Variants in DPP10 observed in about 807,000 individuals in gnomAD.
The protein encoded by DPP10 is dipeptidyl peptidase like 10, also known as inactive dipeptidyl peptidase 10.
Under a neutral mutation model 120.9 loss-of-function variants are expected in DPP10, and 33 were observed. The ratio of observed to expected loss-of-function variants is 0.27; its 90% CI spans 0.21 to 0.37. The LOEUF (loss-of-function observed/expected upper bound fraction) is 0.37, where lower values mean the gene tolerates loss of function less well. DPP10 is among the 10% of genes least tolerant of loss of function. The pLI is 1.00. For synonymous variants in DPP10, 337 were observed against 326.1 expected (o/e 1.03, Z -0.36); for missense variants, 816 against 942.8 (o/e 0.87, Z 1.76).
intron 5 of DPP10, among the ~76,000 whole-genome samples, chr2:115,639,813 T>C (rs2086636050): frequency 6.6e-6 from 1 of 152,146 alleles, no homozygotes; most frequent in African/African-American, 2.4e-5. Flanking sequence ...CTGTGCAGTC[T>C]AGTTGGGAAA....
intron 1 of DPP10, among the ~76,000 whole-genome samples, chr2:114,677,376 A>G (rs1371304405): frequency 6.6e-6 from 1 of 152,168 alleles, no homozygotes. Flanking sequence ...TGACATAGCC[A>G]TCATCTCCAT....
chr2:115,811,407 A>G (rs1475937053), intron 19 of DPP10, among the ~76,000 whole-genome samples: 1 of 152,212 alleles, frequency 6.6e-6, no homozygotes, highest in Non-Finnish European at 1.5e-5. Flanking sequence ...TGAGTAAAGG[A>G]TTGAAGGATT....
At chr2:115,186,556 A>G (rs2054454159) in intron 1 of DPP10, among the ~76,000 whole-genome samples, 1 of 152,214 alleles carries the variant, frequency 6.6e-6, no homozygotes, top group East Asian at 1.9e-4. Context: ...CCTGTGACCT[A>G]AAATGTGAAC....
intron 8 of DPP10, among the ~76,000 whole-genome samples, chr2:115,729,170 C>T (rs1234710488): frequency 6.6e-6 from 1 of 152,162 alleles, no homozygotes; most frequent in Non-Finnish European, 1.5e-5. Context: ...TCTGGCTTTT[C>T]TATTTCAAAG....
intron 7 of DPP10, among the ~76,000 whole-genome samples, chr2:115,726,545 C>T (rs929330047): frequency 6.6e-6 from 1 of 152,048 alleles, no homozygotes. Context: ...ATAAAGTCCA[C>T]GCTTGTAACC....
intron 1 of DPP10, among the ~76,000 whole-genome samples, chr2:114,478,334 T>C (rs1680700097): frequency 6.6e-6 from 1 of 152,066 alleles, no homozygotes; most frequent in Non-Finnish European, 1.5e-5. Flanking sequence ...TATATCAGTT[T>C]ACCTAGAAAA....
intron 3 of DPP10, among the ~76,000 whole-genome samples, chr2:115,493,401 T>C (rs2076226669): frequency 6.6e-6 from 1 of 151,926 alleles, no homozygotes; most frequent in Non-Finnish European, 1.5e-5. Context: ...ATATGTGATC[T>C]AGCATAGAAT....
chr2:115,505,564 G>A (rs923535522), intron 4 of DPP10, among the ~76,000 whole-genome samples: 4 of 152,140 alleles, frequency 2.6e-5, no homozygotes, highest in Non-Finnish European at 4.4e-5. Flanking sequence ...GCTCTCTGAC[G>A]TGTATCCAGA....
intron 1 of DPP10, among the ~76,000 whole-genome samples, chr2:114,903,436 T>G (rs1693738826): frequency 6.6e-6 from 1 of 152,218 alleles, no homozygotes; most frequent in South Asian, 2.1e-4. Context: ...TCTAAATCCT[T>G]GTCAGCATTT....
intron 1 of DPP10, among the ~76,000 whole-genome samples, chr2:114,561,082 C>G (rs1015681745): frequency 1.2e-4 from 19 of 152,200 alleles, no homozygotes; most frequent in African/African-American, 4.6e-4. Flanking sequence ...TCTCCTGTCC[C>G]TCCACACCAG....
At chr2:115,660,655 CTTTTTTTTTT>C in intron 5 of DPP10, among the ~76,000 whole-genome samples, 5 of 25,324 alleles carry the variant, frequency 2.0e-4, no homozygotes, top group Middle Eastern at 0.1. Context: ...CTCTGTCTGG[CTTTTTTTTTT>C]TTTTTTTTTT....
chr2:115,061,576 TTAAA>T (rs1402134066), intron 1 of DPP10, among the ~76,000 whole-genome samples: 1 of 152,204 alleles, frequency 6.6e-6, no homozygotes, highest in Non-Finnish European at 1.5e-5. Flanking sequence ...TGCATGCTAG[TTAAA>T]TAAAATGCAC....
At chr2:115,068,907 A>G (rs1707141964) in intron 1 of DPP10, among the ~76,000 whole-genome samples, 2 of 152,044 alleles carry the variant, frequency 1.3e-5, no homozygotes, top group African/African-American at 4.8e-5. Flanking sequence ...TCTCTATACA[A>G]TTCCATTGGG....
chr2:115,095,901 A>G (rs1300719506), intron 1 of DPP10, among the ~76,000 whole-genome samples: 1 of 152,026 alleles, frequency 6.6e-6, no homozygotes, highest in East Asian at 1.9e-4. Flanking sequence ...TAAAAGAAAA[A>G]CAAACAAACA....
rs1458798297 is a variant in DPP10 at position 115,478,874 on chromosome 2, T to A, written c.272-20636T>A. 2.0e-5 allele frequency among the ~76,000 whole-genome samples: 3 copies of A among 152,204 alleles called. No homozygotes were observed. In the East Asian group the frequency reaches 5.8e-4, roughly 29 times the overall value. On this transcript the variant is annotated intron_variant, in intron 3 of 25. Transcript: ENST00000410059. ...TGATACCACATCACATTCACTATGATGCATACTATCAGAAAGAAAGTAAAT... is the reference window on the plus strand; with the variant it reads ...TGATACCACATCACATTCACTATGAAGCATACTATCAGAAAGAAAGTAAAT...
chr2:115,130,985 G>C (rs1175245485), intron 1 of DPP10: 1 of 152,140 alleles, frequency 6.6e-6, no homozygotes, highest in East Asian at 1.9e-4. Flanking sequence ...CTTACCCACA[G>C]AGTTCTTCCT....
At chr2:114,466,820 G>A (rs1208493935) in intron 1 of DPP10, among the ~76,000 whole-genome samples, 3 of 152,072 alleles carry the variant, frequency 2.0e-5, no homozygotes, top group Non-Finnish European at 4.4e-5. Context: ...GAGGTGGGTG[G>A]GTCGCTTGAG....
chr2:114,579,861 G>C (rs1465000315), intron 1 of DPP10, among the ~76,000 whole-genome samples: 7 of 152,102 alleles, frequency 4.6e-5, no homozygotes, highest in African/African-American at 1.7e-4. Context: ...AGGAGCCTCA[G>C]AGTGGGCCAT....
At chr2:115,513,576 A>G (rs1229164449) in intron 4 of DPP10, among the ~76,000 whole-genome samples, 2 of 151,940 alleles carry the variant, frequency 1.3e-5, no homozygotes, top group African/African-American at 4.8e-5. Flanking sequence ...GTAATTTACA[A>G]CTAGCATCTT....
Sources: allele counts gnomAD v4.1 joint callset (sites outside exome capture counted in the v4.1 genomes callset), GRCh38; gene constraint gnomAD v4.1.1; transcripts MANE v1.5; gene names NCBI Gene and HGNC (gene_info 2026-07-23, HGNC 2026-07-21).